Variants in UST observed in about 807,000 individuals in gnomAD.
UST encodes chondroitin sulfate 2-O-sulfotransferase.
UST carries 21 observed loss-of-function variants against 45.6 expected under a neutral mutation model. That is an observed-to-expected ratio of 0.46 (90% CI 0.33 to 0.66). UST has a LOEUF of 0.66. UST is among the 30% of genes least tolerant of loss of function. UST has a pLI of 0.02. For synonymous variants in UST, 215 were observed against 200.6 expected (o/e 1.07, Z -0.61); for missense variants, 463 against 512.4 (o/e 0.90, Z 0.93).
chr6:148,976,655 A>C (rs1171425930), intron 5 of UST, among the ~76,000 whole-genome samples: 1 of 152,222 alleles, frequency 6.6e-6, no homozygotes, highest in African/African-American at 2.4e-5. Flanking sequence ...GAAGTTGAGC[A>C]TCTTCTCACA....
intron 2 of UST, among the ~76,000 whole-genome samples, chr6:148,900,451 C>T (rs761140780): frequency 7.9e-5 from 12 of 152,162 alleles, no homozygotes; most frequent in Non-Finnish European, 1.2e-4. Flanking sequence ...GTAAGTCTCA[C>T]GAGATCTGAT....
intron 1 of UST, among the ~76,000 whole-genome samples, chr6:148,877,511 G>A (rs1317078962): frequency 1.9e-5 from 2 of 104,238 alleles, no homozygotes; most frequent in Non-Finnish European, 3.9e-5. Context: ...TGTGGGTGGG[G>A]GGGTTGTGTG....
intron 5 of UST, among the ~76,000 whole-genome samples, chr6:148,981,676 G>A (rs139683077): frequency 2.1e-4 from 32 of 152,304 alleles, no homozygotes; most frequent in African/African-American, 7.7e-4. Flanking sequence ...AAATGACTAA[G>A]TGCATACATA....
At chr6:148,815,687 A>AAAAAT (rs1157688711) in intron 1 of UST, among the ~76,000 whole-genome samples, 2 of 152,240 alleles carry the variant, frequency 1.3e-5, no homozygotes, top group Non-Finnish European at 2.9e-5. Flanking sequence ...AAACAAAAAA[A>AAAAAT]GAGTTCAGAA....
chr6:149,052,923 G>T (rs1000323635), intron 7 of UST, among the ~76,000 whole-genome samples: 2 of 152,100 alleles, frequency 1.3e-5, no homozygotes, highest in African/African-American at 4.8e-5. Context: ...TTTTCATAAG[G>T]GTTTTAATGA....
At position 148,790,009 on chromosome 6, in the gene UST, C is replaced by A. The variant is rs964152914; in HGVS notation, c.247+42332C>A. ...GGATTCTTTTTTTTTTTTTTTTTTTCCAGCTTTAAGTGCCTATCCTTTTTG... is the reference window on the plus strand; with the variant it reads ...GGATTCTTTTTTTTTTTTTTTTTTTACAGCTTTAAGTGCCTATCCTTTTTG... On this transcript the variant is annotated intron_variant, in intron 1 of 7. Coordinates refer to ENST00000367463, the MANE Select transcript of UST (RefSeq NM_005715.3). The surrounding 1 kb of genome is among the most constrained non-coding windows in gnomAD (Gnocchi z 4.2). Among the ~76,000 whole-genome samples, 14 of 59,500 alleles carry A rather than the reference C, an allele frequency of 2.4e-4. No homozygotes were observed. The highest frequency in any genetic ancestry group is 1.0e-3 in the South Asian group (2 of 1,994). The allele number at this position is 59,500 out of a possible 152,430, so 39.0% of individuals were successfully genotyped here. A position where few individuals can be genotyped will look rare whatever the true frequency, so the allele number is the denominator to read the frequency against.
chr6:149,059,883 C>T (rs934530721), intron 7 of UST, among the ~76,000 whole-genome samples: 3 of 152,098 alleles, frequency 2.0e-5, no homozygotes, highest in South Asian at 2.1e-4. Context: ...GACCCGCCTC[C>T]GTGATGTTTC....
chr6:148,930,539 C>A (rs1278346802), intron 2 of UST, among the ~76,000 whole-genome samples: 1 of 152,308 alleles, frequency 6.6e-6, no homozygotes, highest in Middle Eastern at 3.4e-3. Flanking sequence ...TCTGTGCCAC[C>A]TTTTATCTTC....
intron 1 of UST, among the ~76,000 whole-genome samples, chr6:148,849,662 G>A (rs934554013): frequency 6.6e-5 from 10 of 152,176 alleles, no homozygotes; most frequent in African/African-American, 2.2e-4. Context: ...GAGAGAATGA[G>A]TGCTGAGCAA....
At chr6:148,753,831 T>G (rs975985842) in intron 1 of UST, among the ~76,000 whole-genome samples, 3 of 152,324 alleles carry the variant, frequency 2.0e-5, no homozygotes, top group Non-Finnish European at 4.4e-5. Flanking sequence ...ACATCCTCAC[T>G]GCCATTTCTT....
chr6:149,037,377 G>A (rs980806481), intron 7 of UST, among the ~76,000 whole-genome samples: 1 of 152,284 alleles, frequency 6.6e-6, no homozygotes, highest in East Asian at 1.9e-4. Flanking sequence ...GGGATCGCCT[G>A]CGTTCACTCA....
At chr6:148,977,263 T>G (rs1195573281) in intron 5 of UST, among the ~76,000 whole-genome samples, 2 of 151,696 alleles carry the variant, frequency 1.3e-5, no homozygotes, top group Non-Finnish European at 2.9e-5. Context: ...TACACACTGT[T>G]GTAACCTATT....
At chr6:148,929,893 G>A (rs143313959) in intron 2 of UST, among the ~76,000 whole-genome samples, 233 of 152,250 alleles carry the variant, frequency 1.5e-3, no homozygotes, top group Non-Finnish European at 2.6e-3. Flanking sequence ...CATATCATAC[G>A]TGCAACACAC....
At chr6:149,042,955 T>TTTTC (rs1158496318) in intron 7 of UST, among the ~76,000 whole-genome samples, 5,270 of 108,766 alleles carry the variant, frequency 0.048, 187 homozygotes, top group East Asian at 0.091. Context: ...ATCACCATCC[T>TTTTC]TTTCTTTCTT....
chr6:148,919,936 A>G (rs1217187632), intron 2 of UST, among the ~76,000 whole-genome samples: 1 of 152,240 alleles, frequency 6.6e-6, no homozygotes, highest in Non-Finnish European at 1.5e-5. Context: ...AAAAGGAAAC[A>G]TTTTAATAAA....
At position 148,836,649 on chromosome 6, in the gene UST, A is replaced by G. The variant is rs573850023; in HGVS notation, c.248-50337A>G. Reference sequence around the variant, plus strand: ...TTTTGAACTTGATGAACATTTTCTAATTGTTCCTAGGGTAAATGTGCCACT... The same window carrying G: ...TTTTGAACTTGATGAACATTTTCTAGTTGTTCCTAGGGTAAATGTGCCACT... On this transcript the variant is annotated intron_variant, in intron 1 of 7. Transcript: ENST00000367463. Among the ~76,000 whole-genome samples, 3 of 152,296 alleles carry G rather than the reference A, an allele frequency of 2.0e-5. No homozygotes were observed. In the South Asian group the frequency reaches 6.2e-4, roughly 32 times the overall value.
chr6:148,911,029 A>G (rs1349138826), intron 2 of UST, among the ~76,000 whole-genome samples: 2 of 152,034 alleles, frequency 1.3e-5, no homozygotes, highest in East Asian at 3.9e-4. Context: ...GATTCAGCCC[A>G]TTGCTTCCAC....
intron 5 of UST, among the ~76,000 whole-genome samples, chr6:148,985,556 ATTT>A (rs1408954080): frequency 6.6e-6 from 1 of 152,218 alleles, no homozygotes; most frequent in Non-Finnish European, 1.5e-5. Flanking sequence ...TAACCATTAG[ATTT>A]CTACTAATCT....
chr6:148,969,350 C>G (rs1330525105), intron 5 of UST, among the ~76,000 whole-genome samples: 1 of 152,192 alleles, frequency 6.6e-6, no homozygotes, highest in African/African-American at 2.4e-5. Context: ...AAGTTACGCT[C>G]TTGGTCTTCA....
Sources: gnomAD v4.1 joint callset for allele counts (sites outside exome capture counted in the v4.1 genomes callset) on GRCh38, gnomAD v4.1.1 for gene constraint, Gnocchi (gnomAD v3.1) non-coding constraint, MANE v1.5 for transcripts, NCBI Gene and HGNC (gene_info 2026-07-23, HGNC 2026-07-21) for gene names.